ADAMTS20: variants seen among roughly 807,000 people sequenced by gnomAD.
The protein encoded by ADAMTS20 is ADAM metallopeptidase with thrombospondin type 1 motif 20.
In ADAMTS20, 225 loss-of-function variants were observed where a neutral mutation model predicts 260.1. The ratio of observed to expected loss-of-function variants is 0.87; its 90% CI spans 0.78 to 0.97. ADAMTS20 has a LOEUF of 0.97. ADAMTS20 is among the 50% of genes least tolerant of loss of function. The probability of loss-of-function intolerance (pLI) is 0.00; values close to 1 mark genes in which losing one functional copy is unlikely to be tolerated. For synonymous variants in ADAMTS20, 802 were observed against 769.5 expected (o/e 1.04, Z -0.70); for missense variants, 2,400 against 2,337.7 (o/e 1.03, Z -0.55).
intron 28 of ADAMTS20, among the ~76,000 whole-genome samples, chr12:43,424,481 AAAC>A (rs1333454795): frequency 2.0e-5 from 3 of 152,142 alleles, no homozygotes; most frequent in Non-Finnish European, 4.4e-5. Context: ...AAAAAACTGT[AAAC>A]AAGTTCTGTT....
At chr12:43,536,399 C>T (rs1399892403) in intron 2 of ADAMTS20, among the ~76,000 whole-genome samples, 1 of 151,990 alleles carries the variant, frequency 6.6e-6, no homozygotes, top group Non-Finnish European at 1.5e-5. Flanking sequence ...TAGGGGCTAA[C>T]GATACAGAGA....
At chr12:43,501,078 G>A (rs1271829675) in intron 4 of ADAMTS20, among the ~76,000 whole-genome samples, 1 of 34,144 alleles carries the variant, frequency 2.9e-5, no homozygotes, top group Non-Finnish European at 5.6e-5. Context: ...TTTTTTTTGA[G>A]TCATAGTTTC....
At chr12:43,505,554 T>C (rs1228061145) in intron 3 of ADAMTS20, among the ~76,000 whole-genome samples, 2 of 152,122 alleles carry the variant, frequency 1.3e-5, no homozygotes, top group African/African-American at 4.8e-5. Flanking sequence ...AATTAATCAT[T>C]AAAGAAATGC....
At chr12:43,415,741 A>G (rs1941118349) in intron 28 of ADAMTS20, among the ~76,000 whole-genome samples, 1 of 152,208 alleles carries the variant, frequency 6.6e-6, no homozygotes, top group Non-Finnish European at 1.5e-5. Context: ...TCTTACCTAC[A>G]AGATCTAGGA....
At position 43,426,475 on chromosome 12, in the gene ADAMTS20, G is replaced by T. The variant is rs889055107; in HGVS notation, c.4108-785C>A. Among the ~76,000 whole-genome samples, 38 of 129,836 alleles carry T rather than the reference G, an allele frequency of 2.9e-4. No homozygotes were observed. In the East Asian group the frequency reaches 0.018, roughly 61 times the overall value. The allele number at this position is 129,836 out of a possible 152,430, so 85.2% of individuals were successfully genotyped here. The stretch of plus-strand genomic sequence containing the variant: ...TAAAAATCATTAAGCAAAAACATTT[G>T]ACTAAGTCATTCATTTTATTTATCC... On this transcript the variant is annotated intron_variant, in intron 27 of 38. Transcript: ENST00000389420.
At chr12:43,492,081 A>G (rs1942607606) in intron 6 of ADAMTS20, among the ~76,000 whole-genome samples, 1 of 152,182 alleles carries the variant, frequency 6.6e-6, no homozygotes, top group Admixed American at 6.5e-5. Context: ...TATTATTAAC[A>G]AAGAATTAAG....
At chr12:43,462,759 A>G (rs1942085625) in intron 11 of ADAMTS20, 136 bp downstream of exon 11, 1 of 665,508 alleles carries the variant, frequency 1.5e-6, no homozygotes, top group African/African-American at 1.8e-5. Context: ...ACTATATCAA[A>G]CAAACATGGC....
intron 11 of ADAMTS20, among the ~76,000 whole-genome samples, chr12:43,456,602 G>C (rs1339933235): frequency 6.6e-6 from 1 of 152,144 alleles, no homozygotes; most frequent in African/African-American, 2.4e-5. Context: ...TCTCAGCAAG[G>C]CAATTTTTCC....
chr12:43,427,442 G>T lies in ADAMTS20; in HGVS notation c.3973C>A (p.Gln1325Lys). Residue 1325 changes from glutamine (Q) to lysine (K), a missense_variant, in exon 27 of 39, where the codon CAG becomes AAG. Transcript: ENST00000389420. ...SCSSSCSGGLQHRAVVCQDEN... is the reference protein window; with the variant it reads ...SCSSSCSGGLKHRAVVCQDEN... ...TCCTGGCAGACCACAGCCCTATGCT[G>T]AAGACCTCCAGAACAACTGCTGGAG... The T allele has an allele frequency of 1.2e-6, 2 of 1,612,204 alleles. No homozygotes were observed. Among genetic ancestry groups the T allele is most frequent in the Non-Finnish European group, 1.7e-6 (2 of 1,179,136 alleles).
At chr12:43,365,123 A>G (rs1408878357) in intron 37 of ADAMTS20, among the ~76,000 whole-genome samples, 1 of 152,064 alleles carries the variant, frequency 6.6e-6, no homozygotes, top group East Asian at 1.9e-4. Flanking sequence ...TGCTGAAAAT[A>G]AAAAACTGTA....
At chr12:43,430,493 T>C in intron 22 of ADAMTS20, 22 bp from the exon 23 acceptor site, 1 of 1,593,672 alleles carries the variant, frequency 6.3e-7, no homozygotes, top group Non-Finnish European at 8.5e-7. Flanking sequence ...ATATAGATAT[T>C]AAAAAAACAT....
intron 28 of ADAMTS20, among the ~76,000 whole-genome samples, chr12:43,407,656 G>A (rs953946881): frequency 6.6e-5 from 10 of 151,800 alleles, no homozygotes; most frequent in African/African-American, 1.7e-4. Context: ...TTAGAAAATC[G>A]GAACAAGAAA....
intron 28 of ADAMTS20, among the ~76,000 whole-genome samples, chr12:43,404,164 A>G (rs1251862819): frequency 1.4e-5 from 2 of 144,410 alleles, no homozygotes; most frequent in Non-Finnish European, 3.0e-5. Context: ...TGCTGAGAAC[A>G]GACATATTGT....
chr12:43,409,081 A>G (rs1265959475), intron 28 of ADAMTS20, among the ~76,000 whole-genome samples: 3 of 152,192 alleles, frequency 2.0e-5, no homozygotes, highest in African/African-American at 7.2e-5. Context: ...AAATAAAGAG[A>G]AACTATCCCC....
chr12:43,489,346 T>C (rs1942568574), intron 7 of ADAMTS20, among the ~76,000 whole-genome samples: 1 of 151,986 alleles, frequency 6.6e-6, no homozygotes, highest in African/African-American at 2.4e-5. Context: ...GTTTGTAATA[T>C]GTATAAACCA....
intron 18 of ADAMTS20, among the ~76,000 whole-genome samples, chr12:43,437,713 A>G (rs749885657): frequency 5.9e-5 from 9 of 152,202 alleles, no homozygotes; most frequent in Non-Finnish European, 1.2e-4. Flanking sequence ...GATATGTTCC[A>G]CCCAATGAAA....
At chr12:43,445,929 T>A (rs1032380671) in intron 15 of ADAMTS20, among the ~76,000 whole-genome samples, 3 of 152,098 alleles carry the variant, frequency 2.0e-5, no homozygotes, top group Non-Finnish European at 4.4e-5. Context: ...CTGCTTTAAT[T>A]ATCATAAAAA....
chr12:43,374,891 C>A (rs1369492482), intron 36 of ADAMTS20, among the ~76,000 whole-genome samples: 1 of 152,210 alleles, frequency 6.6e-6, no homozygotes, highest in African/African-American at 2.4e-5. Context: ...GAGTCCCCAG[C>A]TGGGAGTGGT....
intron 36 of ADAMTS20, among the ~76,000 whole-genome samples, chr12:43,371,627 G>A (rs1049069805): frequency 6.6e-6 from 1 of 152,190 alleles, no homozygotes; most frequent in Non-Finnish European, 1.5e-5. Flanking sequence ...CACACAGACA[G>A]CTACAGATGA....
Sources: gnomAD v4.1 joint callset for allele counts (sites outside exome capture counted in the v4.1 genomes callset) on GRCh38, gnomAD v4.1.1 for gene constraint, MANE v1.5 for transcripts, NCBI Gene and HGNC (gene_info 2026-07-23, HGNC 2026-07-21) for gene names.